Variants in ASTN2 observed in about 807,000 individuals in gnomAD.
ASTN2 encodes the protein astrotactin-2.
A neutral mutation model predicts 139.8 loss-of-function variants in ASTN2; 54 were observed. The observed-to-expected ratio is 0.39, with a 90% CI of 0.31 to 0.48. ASTN2 has a LOEUF of 0.48. ASTN2 is among the 20% of genes least tolerant of loss of function. The pLI is 0.95. For synonymous variants in ASTN2, 756 were observed against 719.5 expected (o/e 1.05, Z -0.81); for missense variants, 1,565 against 1,725.1 (o/e 0.91, Z 1.64).
chr9:116,439,450 TCGGCCTCCCAAAGTGCTGGGA>T (rs1847774919), intron 22 of ASTN2, among the ~76,000 whole-genome samples: 3 of 139,892 alleles, frequency 2.1e-5, no homozygotes, highest in South Asian at 6.5e-4. Flanking sequence ...TCCGCCCGCC[TCGGCCTCCCAAAGTGCTGGGA>T]TTACAGGCGT....
rs183036060 is a variant in ASTN2, at chr9:116,822,098, C to T, written c.2041-1315G>A. ...ATGCCTTCCCACCATGAGACCCCAC[C>T]GGCCAACTCCCCGCTCCCCTTCCCA... is the stretch of plus-strand genomic sequence containing the variant. On this transcript the variant is annotated intron_variant, in intron 11 of 22. Transcript: ENST00000313400. 4.6e-3 allele frequency among the ~76,000 whole-genome samples: 704 copies of T among 152,072 alleles called. 3 individuals are homozygous for T. The highest frequency in any genetic ancestry group is 7.3e-3 in the Non-Finnish European group (496 of 67,984).
At chr9:116,774,890 A>G (rs1188683503) in intron 13 of ASTN2, among the ~76,000 whole-genome samples, 1 of 152,188 alleles carries the variant, frequency 6.6e-6, no homozygotes, top group African/African-American at 2.4e-5. Context: ...GCACCCATCT[A>G]CACACATGGG....
chr9:116,621,087 C>T (rs573923527), intron 17 of ASTN2, among the ~76,000 whole-genome samples: 3 of 152,288 alleles, frequency 2.0e-5, no homozygotes, highest in South Asian at 2.1e-4. Context: ...ACATCATTTC[C>T]ACCAACAGTG....
intron 10 of ASTN2, among the ~76,000 whole-genome samples, chr9:116,891,844 C>G (rs542904459): frequency 1.5e-4 from 23 of 152,254 alleles, no homozygotes; most frequent in African/African-American, 5.5e-4. Flanking sequence ...TACCATCATC[C>G]TTATGGGATT....
intron 2 of ASTN2, among the ~76,000 whole-genome samples, chr9:117,228,858 T>C (rs905933351): frequency 6.6e-6 from 1 of 151,790 alleles, no homozygotes; most frequent in Admixed American, 6.6e-5. Flanking sequence ...CTACTAAAAA[T>C]ACAAAAATTA....
intron 4 of ASTN2, among the ~76,000 whole-genome samples, chr9:117,103,157 C>T (rs899391289): frequency 2.0e-5 from 3 of 152,136 alleles, no homozygotes; most frequent in African/African-American, 7.2e-5. Context: ...ATCATTTACT[C>T]AGGGCCCATG....
chr9:116,562,379 G>A (rs970416294), intron 19 of ASTN2: 1 of 143,280 alleles, frequency 7.0e-6, no homozygotes, highest in Non-Finnish European at 1.5e-5. Flanking sequence ...CTGGACTAAT[G>A]TTCTCCTGTG....
At chr9:117,352,026 A>G (rs1250374557) in intron 1 of ASTN2, among the ~76,000 whole-genome samples, 1 of 152,230 alleles carries the variant, frequency 6.6e-6, no homozygotes, top group East Asian at 1.9e-4. Flanking sequence ...AATTGAATCA[A>G]CTGTGAAGAT....
chr9:117,397,424 T>C (rs1402444801), intron 1 of ASTN2, among the ~76,000 whole-genome samples: 1 of 152,176 alleles, frequency 6.6e-6, no homozygotes, highest in East Asian at 1.9e-4. Context: ...GCGACAACTA[T>C]AAAAATTTAG....
chr9:116,621,819 T>C (rs557158186), intron 17 of ASTN2, among the ~76,000 whole-genome samples: 1 of 152,322 alleles, frequency 6.6e-6, no homozygotes, highest in African/African-American at 2.4e-5. Flanking sequence ...CTTTTTTCAG[T>C]TTAGCACAGC....
intron 1 of ASTN2, among the ~76,000 whole-genome samples, chr9:117,354,369 T>G (rs1166756670): frequency 6.6e-6 from 1 of 152,014 alleles, no homozygotes; most frequent in Non-Finnish European, 1.5e-5. Flanking sequence ...CTCCCTACAC[T>G]CATCAAGCTG....
chr9:117,394,663 G>C (rs780098398), intron 1 of ASTN2, among the ~76,000 whole-genome samples: 2 of 152,206 alleles, frequency 1.3e-5, no homozygotes, highest in Non-Finnish European at 2.9e-5. Context: ...GGTTGTCCCT[G>C]ACAGAGGACA....
chr9:116,960,939 C>T (rs114245501), intron 10 of ASTN2, among the ~76,000 whole-genome samples: 9,087 of 152,086 alleles, frequency 0.06, 805 homozygotes, highest in African/African-American at 0.2. Context: ...CATGAATCTC[C>T]CCAGGCTGCC....
intron 6 of ASTN2, among the ~76,000 whole-genome samples, chr9:117,016,129 C>A (rs1206572345): frequency 6.6e-6 from 1 of 152,004 alleles, no homozygotes; most frequent in Non-Finnish European, 1.5e-5. Context: ...ATGTTATGTC[C>A]TTATTGAGAA....
At chr9:116,617,097 C>T in intron 19 of ASTN2, among the ~76,000 whole-genome samples, 1 of 152,126 alleles carries the variant, frequency 6.6e-6, no homozygotes. Flanking sequence ...TGGAAAAAGC[C>T]ACATTAATCC....
intron 12 of ASTN2, among the ~76,000 whole-genome samples, chr9:116,806,350 C>A (rs995506664): frequency 5.9e-5 from 9 of 152,152 alleles, no homozygotes; most frequent in Non-Finnish European, 1.3e-4. Flanking sequence ...CCTTGACAAG[C>A]CTTTGAGACA....
At chr9:116,704,900 T>C (rs1044645843) in intron 16 of ASTN2, among the ~76,000 whole-genome samples, 1 of 152,194 alleles carries the variant, frequency 6.6e-6, no homozygotes, top group Non-Finnish European at 1.5e-5. Flanking sequence ...TGCACTAATA[T>C]GTAGTACATA....
At chr9:116,876,802 G>A (rs1231753565) in intron 10 of ASTN2, among the ~76,000 whole-genome samples, 1 of 152,072 alleles carries the variant, frequency 6.6e-6, no homozygotes, top group Non-Finnish European at 1.5e-5. Flanking sequence ...TGATGCAATT[G>A]TACACTTAAT....
chr9:116,838,194 C>T (rs1287861589), intron 11 of ASTN2, among the ~76,000 whole-genome samples: 4 of 150,914 alleles, frequency 2.7e-5, no homozygotes, highest in African/African-American at 9.8e-5. Context: ...ACTACAAGCT[C>T]TGCCTCCCAG....
Sources: allele counts gnomAD v4.1 joint callset (sites outside exome capture counted in the v4.1 genomes callset), GRCh38; gene constraint gnomAD v4.1.1; transcripts MANE v1.5; gene names NCBI Gene and HGNC (gene_info 2026-07-23, HGNC 2026-07-21).